KCNIP4: variants seen among roughly 807,000 people sequenced by gnomAD.
The protein encoded by KCNIP4 is Kv channel-interacting protein 4.
A neutral mutation model predicts 34.0 loss-of-function variants in KCNIP4; 12 were observed. The ratio of observed to expected loss-of-function variants is 0.35; its 90% CI spans 0.23 to 0.57. The LOEUF is 0.57. Among genes scored for constraint, KCNIP4 ranks in the 20% least tolerant of loss-of-function variants. The probability of loss-of-function intolerance (pLI) is 0.83; values close to 1 mark genes in which losing one functional copy is unlikely to be tolerated. For missense variants in KCNIP4, 238 were observed against 311.7 expected, an observed-to-expected ratio of 0.76 and a Z score of 1.78; for synonymous variants, 124 against 102.2, an observed-to-expected ratio of 1.21 and a Z score of -1.29.
intron 1 of KCNIP4, among the ~76,000 whole-genome samples, chr4:21,122,488 C>T (rs1236909027): frequency 7.0e-6 from 1 of 143,156 alleles, no homozygotes; most frequent in Non-Finnish European, 1.5e-5. Context: ...AGTGCGTATA[C>T]ATTTTGAAAA....
intron 1 of KCNIP4, among the ~76,000 whole-genome samples, chr4:21,315,676 G>T (rs907420915): frequency 5.9e-5 from 9 of 152,092 alleles, no homozygotes; most frequent in African/African-American, 2.2e-4. Flanking sequence ...GGGTGTTATG[G>T]TTATTTTGCT....
At chr4:21,665,886 A>T (rs1325767747) in intron 1 of KCNIP4, among the ~76,000 whole-genome samples, 1 of 152,148 alleles carries the variant, frequency 6.6e-6, no homozygotes, top group Non-Finnish European at 1.5e-5. Flanking sequence ...CTGACCATAC[A>T]TGGCGCCCCT....
intron 3 of KCNIP4, among the ~76,000 whole-genome samples, chr4:20,816,773 A>T (rs1716438922): frequency 6.6e-6 from 1 of 152,122 alleles, no homozygotes. Context: ...AACCATTTGA[A>T]TTTTTCCGTC....
rs904451488 is a variant in KCNIP4 at position 21,893,209 on chromosome 4, T to C, written c.61+55362A>G. 7.9e-5 allele frequency among the ~76,000 whole-genome samples: 12 copies of C among 152,106 alleles called. 1 individual carries two copies. The highest frequency in any genetic ancestry group is 1.5e-4 in the Non-Finnish European group (10 of 68,008). On this transcript the variant is annotated intron_variant, in intron 1 of 8. Transcript: ENST00000382152. Reference sequence around the variant, plus strand: ...TGTGTATGTGTGTAAAACTCACAAATAAATTATAAGGGCAGAACGCCTTCC... The same window carrying C: ...TGTGTATGTGTGTAAAACTCACAAACAAATTATAAGGGCAGAACGCCTTCC...
At chr4:21,244,206 A>G (rs1760042321) in intron 1 of KCNIP4, among the ~76,000 whole-genome samples, 1 of 152,208 alleles carries the variant, frequency 6.6e-6, no homozygotes, top group Non-Finnish European at 1.5e-5. Flanking sequence ...TAAAATGTGT[A>G]ATGATCAAAT....
intron 1 of KCNIP4, among the ~76,000 whole-genome samples, chr4:21,365,526 A>T (rs1346134664): frequency 7.4e-4 from 15 of 20,334 alleles, no homozygotes; most frequent in South Asian, 1.7e-3. Context: ...AATAAATAAA[A>T]AATAAAGAAA....
chr4:21,290,021 T>C (rs974320626), intron 1 of KCNIP4, among the ~76,000 whole-genome samples: 1 of 151,980 alleles, frequency 6.6e-6, no homozygotes, highest in Non-Finnish European at 1.5e-5. Flanking sequence ...CAAAAAAAAA[T>C]AGCTTTTCTT....
chr4:21,298,199 C>T (rs1241799196), intron 1 of KCNIP4, among the ~76,000 whole-genome samples: 3 of 152,114 alleles, frequency 2.0e-5, no homozygotes, highest in Non-Finnish European at 2.9e-5. Flanking sequence ...TTTCTTCCCT[C>T]CCTTGTACTC....
At chr4:20,999,244 G>A (rs12640604) in intron 1 of KCNIP4, among the ~76,000 whole-genome samples, 66,502 of 151,774 alleles carry the variant, frequency 0.44, 15,256 homozygotes, top group African/African-American at 0.56. Context: ...CTTAGACATA[G>A]GCAAGAGCTC....
At chr4:21,283,655 A>AG (rs985155541) in intron 1 of KCNIP4, among the ~76,000 whole-genome samples, 13 of 83,332 alleles carry the variant, frequency 1.6e-4, no homozygotes, top group African/African-American at 2.4e-4. Flanking sequence ...TTTCATGGGG[A>AG]GGGGGGAGGG....
intron 1 of KCNIP4, among the ~76,000 whole-genome samples, chr4:21,710,039 G>A (rs1232315319): frequency 6.6e-6 from 1 of 152,176 alleles, no homozygotes. Context: ...GCTGGAAAAG[G>A]CAGCAATAGA....
At chr4:21,711,939 T>G (rs2109077770) in intron 1 of KCNIP4, among the ~76,000 whole-genome samples, 1 of 152,276 alleles carries the variant, frequency 6.6e-6, no homozygotes, top group African/African-American at 2.4e-5. Context: ...AAGGGTTAAG[T>G]AACTGGCCTA....
chr4:21,569,419 A>G (rs906340769), intron 1 of KCNIP4, among the ~76,000 whole-genome samples: 7 of 151,994 alleles, frequency 4.6e-5, no homozygotes, highest in African/African-American at 1.7e-4. Context: ...TAAAGAAAGT[A>G]CAGAACTTTA....
intron 1 of KCNIP4, among the ~76,000 whole-genome samples, chr4:21,810,774 T>TA (rs1721604395): frequency 6.6e-6 from 1 of 151,636 alleles, no homozygotes; most frequent in Admixed American, 6.6e-5. Context: ...GAACTATTAT[T>TA]AGAGATGACT....
chr4:20,914,805 G>A (rs1314446044), intron 1 of KCNIP4, among the ~76,000 whole-genome samples: 1 of 152,138 alleles, frequency 6.6e-6, no homozygotes, highest in Non-Finnish European at 1.5e-5. Context: ...TCTTACCAAC[G>A]ATCCGAACCC....
chr4:21,926,495 C>G (rs964729257), intron 1 of KCNIP4, among the ~76,000 whole-genome samples: 3 of 152,114 alleles, frequency 2.0e-5, no homozygotes, highest in Admixed American at 6.6e-5. Context: ...TTTAAAGAAC[C>G]CTCATAATCA....
At chr4:21,571,644 G>A (rs1184091324) in intron 1 of KCNIP4, among the ~76,000 whole-genome samples, 1 of 152,004 alleles carries the variant, frequency 6.6e-6, no homozygotes, top group Admixed American at 6.6e-5. Context: ...GTGAAGATGA[G>A]CAGGCAAGTT....
At chr4:21,612,256 G>C (rs1230390580) in intron 1 of KCNIP4, among the ~76,000 whole-genome samples, 1 of 152,136 alleles carries the variant, frequency 6.6e-6, no homozygotes, top group African/African-American at 2.4e-5. Context: ...AAATGGAGCT[G>C]GGTTGCATTC....
rs60449238 is a variant in KCNIP4, at chr4:21,837,532, C to CAAAAAAAAAAAAAAAAAAAAAAAAAAAA, written c.61+111038_61+111039insTTTTTTTTTTTTTTTTTTTTTTTTTTTT. On this transcript the variant is annotated intron_variant, in intron 1 of 8. Transcript: ENST00000382152. The stretch of plus-strand genomic sequence containing the variant: ...CTGGGCAACAAGAGCAAAACGCTGT[C>CAAAAAAAAAAAAAAAAAAAAAAAAAAAA]AAAAAAAAAAAAAAAGAAAAAGAAA... Among the ~76,000 whole-genome samples the CAAAAAAAAAAAAAAAAAAAAAAAAAAAA allele has an allele frequency of 8.9e-5, 7 of 78,522 alleles. 1 individual carries two copies. Among genetic ancestry groups the CAAAAAAAAAAAAAAAAAAAAAAAAAAAA allele is most frequent in the African/African-American group, 2.4e-4 (4 of 16,478 alleles). The allele number at this position is 78,522 out of a possible 152,430, so 51.5% of individuals were successfully genotyped here.
Sources: allele counts gnomAD v4.1 joint callset (sites outside exome capture counted in the v4.1 genomes callset), GRCh38; gene constraint gnomAD v4.1.1; transcripts MANE v1.5; gene names NCBI Gene and HGNC (gene_info 2026-07-23, HGNC 2026-07-21).